The following ARID4B variants were observed in gnomAD, a reference collection of about 807,000 sequenced individuals.
ARID4B encodes AT-rich interaction domain 4B, also known as AT-rich interactive domain-containing protein 4B.
A neutral mutation model predicts 147.5 loss-of-function variants in ARID4B; 26 were observed. The ratio of observed to expected loss-of-function variants is 0.18; its 90% confidence interval spans 0.13 to 0.24. ARID4B has a LOEUF of 0.24. ARID4B is among the 10% of genes least tolerant of loss of function. The pLI is 1.00. For synonymous variants in ARID4B, 512 were observed against 507.9 expected, an observed-to-expected ratio of 1.01 and a Z score of -0.11; for missense variants, 1,179 against 1,511.5, an observed-to-expected ratio of 0.78 and a Z score of 3.65.
intron 19 of ARID4B, among the ~76,000 whole-genome samples, chr1:235,193,413 T>C (rs1041281907): frequency 2.6e-5 from 4 of 152,190 alleles, no homozygotes; most frequent in African/African-American, 9.6e-5. Context: ...ACAGAGATCA[T>C]AATAGTCATA....
chr1:235,271,902 T>C (rs1427952449), intron 2 of ARID4B, among the ~76,000 whole-genome samples: 5 of 151,812 alleles, frequency 3.3e-5, no homozygotes, highest in Non-Finnish European at 7.4e-5. Context: ...TGAGCCGAGA[T>C]CACGCCACTG....
intron 23 of ARID4B, 34 bp from the exon 24 acceptor site, chr1:235,168,686 T>C (rs1663106614): frequency 6.3e-7 from 1 of 1,593,928 alleles, no homozygotes; most frequent in Non-Finnish European, 8.6e-7. Flanking sequence ...AAGAGCTTAA[T>C]AAAAATTTAT....
intron 2 of ARID4B, among the ~76,000 whole-genome samples, chr1:235,276,540 T>C (rs1369814239): frequency 6.6e-6 from 1 of 152,168 alleles, no homozygotes; most frequent in Non-Finnish European, 1.5e-5. Context: ...TGCACATCTG[T>C]AGTCCTAGCT....
rs556252449 is a variant in ARID4B, at chr1:235,224,541, A to T, written c.970+162T>A. On this transcript the variant is annotated intron_variant, in intron 12 of 23. Transcript: ENST00000264183. ...TATCAAATTCCTCATTCTACTTGTT[A>T]CGTGACAGGCGCTATGCTAGGTGCT... Among the ~76,000 whole-genome samples, 5 of 152,336 alleles carry T rather than the reference A, an allele frequency of 3.3e-5. No individual in the cohort carries two copies. In the East Asian group the frequency reaches 9.6e-4, roughly 29 times the overall value.
chr1:235,245,957 G>A (rs1411937106), intron 7 of ARID4B, among the ~76,000 whole-genome samples: 1 of 152,192 alleles, frequency 6.6e-6, no homozygotes, highest in Non-Finnish European at 1.5e-5. Flanking sequence ...CTATGCCAGA[G>A]AATTGGGTTT....
intron 2 of ARID4B, among the ~76,000 whole-genome samples, chr1:235,263,815 G>A (rs1002892106): frequency 2.0e-4 from 30 of 150,736 alleles, no homozygotes; most frequent in Admixed American, 1.2e-3. Context: ...GTGAAACCCC[G>A]TCTCTACTAA....
chr1:235,236,977 AT>A, intron 8 of ARID4B, among the ~76,000 whole-genome samples: 1 of 140,798 alleles, frequency 7.1e-6, no homozygotes, highest in East Asian at 2.2e-4. Flanking sequence ...GGTTCAAGCG[AT>A]TCTCCTGCCT....
chr1:235,274,868 C>T (rs2891014), intron 2 of ARID4B, among the ~76,000 whole-genome samples: 152,283 of 152,324 alleles, frequency 1, 76,121 homozygotes, highest in Middle Eastern at 1. Flanking sequence ...TAAAAACACT[C>T]TATATATAAA....
chr1:235,223,684 C>CGTTTTTT lies in ARID4B; in HGVS notation c.971-425_971-424insAAAAAAC, dbSNP rs149769753. 1.1e-3 allele frequency among the ~76,000 whole-genome samples: 130 copies of CGTTTTTT among 117,134 alleles called. 6 individuals are homozygous for CGTTTTTT. Among genetic ancestry groups the CGTTTTTT allele is most frequent in the African/African-American group, 3.1e-3 (91 of 29,780 alleles). 76.8% of individuals were successfully genotyped at this position (117,134 alleles called of 152,430 possible). A position where few individuals can be genotyped will look rare whatever the true frequency, so the allele number is the denominator to read the frequency against. On this transcript the variant is annotated intron_variant, in intron 12 of 23. Coordinates refer to ENST00000264183, the MANE Select transcript of ARID4B (RefSeq NM_016374.6). ...AAATAATGATTCTATAGTAAAGCTACATTTTTTTTTTTTTTTCATTCTAAC... is the reference window on the plus strand; with the variant it reads ...AAATAATGATTCTATAGTAAAGCTACGTTTTTTATTTTTTTTTTTTTTTCATTCTAAC...
At chr1:235,236,851 TATATATA>T (rs1668623879) in intron 8 of ARID4B, among the ~76,000 whole-genome samples, 1 of 41,034 alleles carries the variant, frequency 2.4e-5, no homozygotes, top group African/African-American at 7.7e-5. Context: ...TATATATATA[TATATATA>T]TATATTTTTT....
chr1:235,257,030 A>T lies in ARID4B; in HGVS notation c.183+130T>A. ...CACTGAGATTAAGTCTATTTTTTCT[A>T]TTAGTCTTTTTAGAGAAAATTACAT... is the stretch of plus-strand genomic sequence containing the variant. On this transcript the variant is annotated intron_variant, in intron 4 of 23. Transcript: ENST00000264183. The T allele has an allele frequency of 7.3e-6, 5 of 686,400 alleles. No individual in the cohort carries two copies. The Admixed American group carries it at 8.2e-5, about 11-fold the overall frequency. 42.5% of individuals were successfully genotyped at this position (686,400 alleles called of 1,614,324 possible).
At chr1:235,194,333 G>T (rs1041461519) in intron 18 of ARID4B, 122 bp from the exon 19 acceptor site, 3 of 800,870 alleles carry the variant, frequency 3.7e-6, no homozygotes, top group Non-Finnish European at 3.8e-6. Flanking sequence ...TAAAAAGAAA[G>T]AACATAAGAA....
rs770605679 is a variant in ARID4B, at chr1:235,214,002, ATCT to A, written c.1605_1607del (p.Glu535del). On this transcript the variant is annotated inframe_deletion, in exon 17 of 24. Coordinates refer to ENST00000264183, the MANE Select transcript of ARID4B (RefSeq NM_016374.6). ...CCTCTTCTGCTTCTTCATCATCTTC[ATCT>A]TCTTCTTTATTCGTTTCATCTCTTG... The A allele has an allele frequency of 1.0e-5, 16 of 1,590,540 alleles. No homozygotes were observed. The highest frequency in any genetic ancestry group is 3.3e-5 in the South Asian group (3 of 90,516).
At chr1:235,301,035 A>ATTTT (rs1673093653) in intron 2 of ARID4B, among the ~76,000 whole-genome samples, 4 of 102,842 alleles carry the variant, frequency 3.9e-5, no homozygotes, top group African/African-American at 1.8e-4. Context: ...TTTTTTAAGT[A>ATTTT]TTCTTTTTTT....
intron 2 of ARID4B, among the ~76,000 whole-genome samples, chr1:235,299,336 C>A (rs182041540): frequency 6.6e-6 from 1 of 152,280 alleles, no homozygotes; most frequent in Non-Finnish European, 1.5e-5. Context: ...GCCTCAGCCG[C>A]CCGAGTAGCT....
chr1:235,219,719 T>A, intron 16 of ARID4B, 74 bp downstream of exon 16: 2 of 1,220,066 alleles, frequency 1.6e-6, no homozygotes, highest in East Asian at 2.4e-5. Context: ...GATTCATACA[T>A]AAACACATAC....
chr1:235,247,893 C>A (rs377501233), intron 6 of ARID4B, among the ~76,000 whole-genome samples: 35 of 152,046 alleles, frequency 2.3e-4, no homozygotes, highest in African/African-American at 8.2e-4. Flanking sequence ...GAGGCTGAGG[C>A]AGGAGAATCG....
At chr1:235,315,274 A>AAATTT (rs1463324598) in intron 2 of ARID4B, among the ~76,000 whole-genome samples, 1 of 152,114 alleles carries the variant, frequency 6.6e-6, no homozygotes, top group African/African-American at 2.4e-5. Flanking sequence ...AAATACAAAA[A>AAATTT]AATTTAGCGA....
intron 10 of ARID4B, among the ~76,000 whole-genome samples, chr1:235,230,357 C>G (rs752427213): frequency 1.3e-5 from 2 of 150,972 alleles, no homozygotes; most frequent in African/African-American, 4.9e-5. Context: ...GAGGGTGCAC[C>G]GAGATTGTAC....
Sources: allele counts gnomAD v4.1 joint callset (sites outside exome capture counted in the v4.1 genomes callset), GRCh38; gene constraint gnomAD v4.1.1; transcripts MANE v1.5; gene names NCBI Gene and HGNC (gene_info 2026-07-23, HGNC 2026-07-21).